Variants in IMPG1 observed in about 807,000 individuals in gnomAD.
The protein encoded by IMPG1 is interphotoreceptor matrix proteoglycan 1, also known as interphotoreceptor matrix proteoglycan of 150 kDa.
IMPG1 carries 85 observed loss-of-function variants against 92.0 expected under a neutral mutation model. That is an observed-to-expected ratio of 0.92 (90% CI 0.78 to 1.11). The LOEUF (loss-of-function observed/expected upper bound fraction) is 1.11. Among genes scored for constraint, IMPG1 ranks in the 50% least tolerant of loss-of-function variants. The pLI is 0.00. For synonymous variants in IMPG1, 367 were observed against 334.1 expected (o/e 1.10, Z -1.08); for missense variants, 1,022 against 956.0 (o/e 1.07, Z -0.91).
intron 15 of IMPG1, among the ~76,000 whole-genome samples, chr6:75,929,129 A>G (rs1582047579): frequency 6.6e-6 from 1 of 152,194 alleles, no homozygotes; most frequent in Non-Finnish European, 1.5e-5. Context: ...TAATTGTCTA[A>G]AAGTAGAGTA....
intron 12 of IMPG1, among the ~76,000 whole-genome samples, chr6:75,951,643 A>G (rs1782033622): frequency 6.6e-6 from 1 of 152,212 alleles, no homozygotes; most frequent in South Asian, 2.1e-4. Flanking sequence ...TTGAAATTTA[A>G]ATTATGCTTT....
chr6:76,034,211 G>T, intron 4 of IMPG1, 104 bp downstream of exon 4: 1 of 1,047,990 alleles, frequency 9.5e-7, no homozygotes, highest in East Asian at 2.4e-5. Context: ...AGCTCTTAGT[G>T]GCTGACATAA....
chr6:76,003,777 G>A (rs1391253552), intron 11 of IMPG1, 97 bp downstream of exon 11: 1 of 859,042 alleles, frequency 1.2e-6, no homozygotes, highest in East Asian at 2.7e-5. Context: ...ATTGCAAAGG[G>A]GATTTTGCTC....
chr6:76,046,952 AT>A (rs1335841554), intron 1 of IMPG1, among the ~76,000 whole-genome samples: 3 of 152,240 alleles, frequency 2.0e-5, no homozygotes, highest in Non-Finnish European at 2.9e-5. Context: ...ACCTACAAAA[AT>A]TATAAAATAA....
At chr6:76,045,095 G>T (rs972957696) in intron 1 of IMPG1, among the ~76,000 whole-genome samples, 12 of 152,138 alleles carry the variant, frequency 7.9e-5, no homozygotes, top group Non-Finnish European at 1.5e-4. Context: ...CCATTTGCCT[G>T]GGATACCCCA....
intron 12 of IMPG1, among the ~76,000 whole-genome samples, chr6:75,974,405 C>CTTTTCTTTCTCTCT (rs1782494813): frequency 1.3e-5 from 1 of 74,926 alleles, no homozygotes; most frequent in Non-Finnish European, 2.9e-5. Context: ...TCTTTCTTTC[C>CTTTTCTTTCTCTCT]TTCCTTCCTT....
At position 75,966,036 on chromosome 6, in the gene IMPG1, T is replaced by C. The variant is rs1051996222; in HGVS notation, c.1292-14942A>G. ...CAACTACTTTGTTCCGTCTAGGATA[T>C]ACGAGACAAAAATAAAACTCAGGAA... On this transcript the variant is annotated intron_variant, in intron 12 of 16. Transcript: ENST00000369950. Among the ~76,000 whole-genome samples, 13 of 152,342 alleles carry C rather than the reference T, an allele frequency of 8.5e-5. No individual in the cohort carries two copies. In the South Asian group the frequency reaches 2.3e-3, roughly 27 times the overall value.
rs566481224 is a variant in IMPG1 at position 76,072,599 on chromosome 6, A to G, written c.-111T>C. 1 of 629,218 alleles carries G rather than the reference A, an allele frequency of 1.6e-6. No homozygotes were observed. Among genetic ancestry groups the G allele is most frequent in the Non-Finnish European group, 2.7e-6 (1 of 366,344 alleles). 39.0% of individuals were successfully genotyped at this position (629,218 alleles called of 1,614,324 possible). A position where few individuals can be genotyped will look rare whatever the true frequency, so the allele number is the denominator to read the frequency against. The stretch of plus-strand genomic sequence containing the variant: ...ATTATATATTGATACCAGATGATTG[A>G]GGATAACCTTCTTGGTTTACCTTTA... On this transcript the variant is annotated 5_prime_UTR_variant, in exon 1 of 17. Coordinates refer to ENST00000369950, the MANE Select transcript of IMPG1 (RefSeq NM_001563.4).
chr6:75,995,144 T>A (rs1315403393), intron 12 of IMPG1, among the ~76,000 whole-genome samples: 2 of 152,220 alleles, frequency 1.3e-5, no homozygotes, highest in Non-Finnish European at 2.9e-5. Context: ...AATTTTTAAA[T>A]ACCAATAAAA....
chr6:76,040,802 C>T (rs1377456491), intron 2 of IMPG1, among the ~76,000 whole-genome samples: 1 of 152,172 alleles, frequency 6.6e-6, no homozygotes, highest in Non-Finnish European at 1.5e-5. Context: ...CCAATAATAA[C>T]TCTTCAGATT....
At chr6:76,036,197 T>C (rs1487854333) in intron 2 of IMPG1, among the ~76,000 whole-genome samples, 6 of 152,204 alleles carry the variant, frequency 3.9e-5, no homozygotes, top group Admixed American at 3.9e-4. Flanking sequence ...AGGGATAAAA[T>C]TGATGTTAAA....
At chr6:75,982,946 T>G (rs745721294) in intron 12 of IMPG1, among the ~76,000 whole-genome samples, 23 of 152,152 alleles carry the variant, frequency 1.5e-4, no homozygotes, top group Non-Finnish European at 2.2e-4. Flanking sequence ...ATCCATTTAG[T>G]CAGTCATCCC....
chr6:76,022,526 C>CATAGGCAGAT (rs1554235009), intron 5 of IMPG1, among the ~76,000 whole-genome samples: 3 of 152,122 alleles, frequency 2.0e-5, no homozygotes, highest in African/African-American at 7.2e-5. Context: ...ATAAAGGACA[C>CATAGGCAGAT]ATAGGCAGAT....
intron 13 of IMPG1, among the ~76,000 whole-genome samples, chr6:75,949,744 T>A (rs1781992349): frequency 6.6e-6 from 1 of 152,108 alleles, no homozygotes; most frequent in African/African-American, 2.4e-5. Flanking sequence ...TGGTGTGGGG[T>A]GGGGAGATAG....
chr6:76,057,781 A>G (rs1265673003), intron 1 of IMPG1, among the ~76,000 whole-genome samples: 1 of 152,086 alleles, frequency 6.6e-6, no homozygotes, highest in Admixed American at 6.6e-5. Flanking sequence ...TAAATTAAGG[A>G]CATTTATGTA....
intron 12 of IMPG1, among the ~76,000 whole-genome samples, chr6:75,968,675 A>G (rs1468747262): frequency 6.6e-6 from 1 of 152,068 alleles, no homozygotes; most frequent in Non-Finnish European, 1.5e-5. Context: ...CTCTCAACAT[A>G]TTAAGTTTTC....
At chr6:75,924,530 TA>T (rs56147506) in intron 15 of IMPG1, among the ~76,000 whole-genome samples, 10,571 of 61,666 alleles carry the variant, frequency 0.17, 1,316 homozygotes, top group East Asian at 0.24. Context: ...TTATATATTA[TA>T]ATATAATTAT....
intron 1 of IMPG1, among the ~76,000 whole-genome samples, chr6:76,061,652 C>T (rs767158234): frequency 6.6e-6 from 1 of 152,116 alleles, no homozygotes; most frequent in African/African-American, 2.4e-5. Flanking sequence ...GTAAAAGACA[C>T]ATACTAAGAT....
chr6:75,987,923 A>C (rs1418174844), intron 12 of IMPG1, among the ~76,000 whole-genome samples: 1 of 152,200 alleles, frequency 6.6e-6, no homozygotes, highest in Non-Finnish European at 1.5e-5. Flanking sequence ...CTGGGATTAC[A>C]GGCGTGAGCC....
Sources: gnomAD v4.1 joint callset for allele counts (sites outside exome capture counted in the v4.1 genomes callset) on GRCh38, gnomAD v4.1.1 for gene constraint, MANE v1.5 for transcripts, NCBI Gene and HGNC (gene_info 2026-07-23, HGNC 2026-07-21) for gene names.